Variants in FOXN1 observed in about 807,000 individuals in gnomAD.
The protein encoded by FOXN1 is forkhead box N1.
FOXN1 carries 15 observed loss-of-function variants against 49.0 expected under a neutral mutation model. That is an observed-to-expected ratio of 0.31 (90% CI 0.20 to 0.47). The LOEUF (loss-of-function observed/expected upper bound fraction) is 0.47, where lower values mean the gene tolerates loss of function less well. Among genes scored for constraint, FOXN1 ranks in the 20% least tolerant of loss-of-function variants. The probability of loss-of-function intolerance (pLI) is 1.00; values close to 1 mark genes in which losing one functional copy is unlikely to be tolerated. For missense variants in FOXN1, 800 were observed against 842.8 expected, an observed-to-expected ratio of 0.95 and a Z score of 0.63; for synonymous variants, 356 against 369.0, an observed-to-expected ratio of 0.96 and a Z score of 0.40.
intron 1 of FOXN1, among the ~76,000 whole-genome samples, chr17:28,521,059 C>T (rs555679135): frequency 1.3e-5 from 2 of 152,244 alleles, no homozygotes; most frequent in Admixed American, 6.5e-5. Context: ...CACATGTCCT[C>T]GAGCATTTTC....
chr17:28,524,019 C>G lies in FOXN1; in HGVS notation c.50C>G (p.Thr17Ser), dbSNP rs143518324. 85 of 1,612,848 alleles carry G rather than the reference C, an allele frequency of 5.3e-5. No individual in the cohort carries two copies. The African/African-American group carries it at 8.8e-4, about 17-fold the overall frequency. ...TCTGACGTCACGCTGCCGGGCCCCA[C>G]CAGACTGGAGGGCGAGCGCCAAGGG... ...PQSDVTLPGPTRLEGERQGDL... is the reference protein window; with the variant it reads ...PQSDVTLPGPSRLEGERQGDL... The change falls in exon 2 of 9, where the codon ACC (threonine) becomes AGC (serine). Residue 17 changes from threonine to serine, a missense_variant. By Grantham distance (58) the Thr-to-Ser change is moderately conservative. Around this residue, in one of 3 missense-constraint regions of FOXN1, gnomAD observed 383 missense variants for 357.9 expected, o/e 1.07. Coordinates refer to ENST00000579795, the MANE Select transcript of FOXN1 (RefSeq NM_001369369.1).
At chr17:28,535,227 G>T in intron 8 of FOXN1, 29 bp downstream of exon 8, 1 of 1,608,384 alleles carries the variant, frequency 6.2e-7, no homozygotes, top group East Asian at 2.2e-5. Flanking sequence ...AGGGAAGGTG[G>T]GACAGGACTG....
chr17:28,528,311 G>A (rs1567881336), intron 4 of FOXN1, among the ~76,000 whole-genome samples: 1 of 152,180 alleles, frequency 6.6e-6, no homozygotes, highest in African/African-American at 2.4e-5. Context: ...TCTGACCCAG[G>A]GTAGAGGATG....
chr17:28,519,123 C>T (rs1487645525), intron 1 of FOXN1, among the ~76,000 whole-genome samples: 2 of 152,136 alleles, frequency 1.3e-5, no homozygotes, highest in African/African-American at 2.4e-5. Context: ...CACACCATTG[C>T]CCCCTACCCT....
At position 28,534,748 on chromosome 17, in the gene FOXN1, G is replaced by C. The variant is rs1309137247; in HGVS notation, c.1177G>C (p.Gly393Arg). The C allele has an allele frequency of 1.9e-6, 3 of 1,613,622 alleles. No individual in the cohort carries two copies. Among genetic ancestry groups the C allele is most frequent in the Non-Finnish European group, 2.5e-6 (3 of 1,179,882 alleles). Residue 393 changes from glycine (G) to arginine (R), a missense_variant, in exon 8 of 9, where the codon GGC (glycine) becomes CGC (arginine). Physicochemically the swap from Gly to Arg is moderately radical, Grantham distance 125. Transcript: ENST00000579795. The surrounding 1 kb of genome is among the most constrained non-coding windows in gnomAD (Gnocchi z 4.1). ...SLIGDKREKL[G>R]SPLLGCPPPG... ...CATTGGAGACAAGAGAGAAAAGCTGGGCTCCCCACTCCTGGGCTGTCCGCC... is the reference window on the plus strand; with the variant it reads ...CATTGGAGACAAGAGAGAAAAGCTGCGCTCCCCACTCCTGGGCTGTCCGCC...
chr17:28,528,079 G>A (rs1195192843), intron 4 of FOXN1, among the ~76,000 whole-genome samples: 1 of 152,246 alleles, frequency 6.6e-6, no homozygotes, highest in African/African-American at 2.4e-5. Context: ...CTGGCACTGA[G>A]ACAGGCCCTG....
At chr17:28,520,508 C>T (rs1428633972) in intron 1 of FOXN1, among the ~76,000 whole-genome samples, 1 of 152,236 alleles carries the variant, frequency 6.6e-6, no homozygotes, top group African/African-American at 2.4e-5. Context: ...TCAGGAACCT[C>T]TGCATCCTTA....
At position 28,537,420 on chromosome 17, in the gene FOXN1, C is replaced by G. The variant is rs2070099280; in HGVS notation, c.1931C>G (p.Pro644Arg). Residue 644 changes from proline (P) to arginine (R), a missense_variant, in exon 9 of 9, where the codon CCC becomes CGC. This residue lies in a region of FOXN1 where 344 missense variants were observed against 366.1 expected (regional missense o/e 0.94). Transcript: ENST00000579795. The part of the protein sequence containing the change: ...PSVYLSPSSK[P>R]VALA Reference sequence around the variant, plus strand: ...GTGTACCTCAGCCCCAGCTCCAAGCCCGTGGCCCTGGCATGAGCTGTGCCC... The same window carrying G: ...GTGTACCTCAGCCCCAGCTCCAAGCGCGTGGCCCTGGCATGAGCTGTGCCC... 16 of 1,612,762 alleles carry G rather than the reference C, an allele frequency of 9.9e-6. No homozygotes were observed. Among genetic ancestry groups the G allele is most frequent in the Non-Finnish European group, 1.4e-5 (16 of 1,179,390 alleles).
In FOXN1 at chr17:28,538,747, A is replaced by G. The variant is rs925297966; in HGVS notation, c.*1311A>G. 12 of 152,226 alleles carry G rather than the reference A, an allele frequency of 7.9e-5. No homozygotes were observed. Among genetic ancestry groups the G allele is most frequent in the African/African-American group, 2.7e-4 (11 of 41,450 alleles). 9.4% of individuals were successfully genotyped at this position (152,226 alleles called of 1,614,324 possible). ...AGGTGCCTGCCATGAGCCTGACCCC[A>G]TCGAGGGGGAACCTCAGCCCACCCT... is the stretch of plus-strand genomic sequence containing the variant. On this transcript the variant is annotated 3_prime_UTR_variant, in exon 9 of 9. Coordinates refer to ENST00000579795, the MANE Select transcript of FOXN1 (RefSeq NM_001369369.1).
At chr17:28,533,279 A>C (rs951708388) in intron 6 of FOXN1, among the ~76,000 whole-genome samples, 8 of 152,138 alleles carry the variant, frequency 5.3e-5, no homozygotes, top group African/African-American at 1.2e-4. Context: ...TGCCCTACCC[A>C]CAGTCAGCCC....
At chr17:28,513,449 C>G (rs944339361) in intron 1 of FOXN1, among the ~76,000 whole-genome samples, 1 of 152,266 alleles carries the variant, frequency 6.6e-6, no homozygotes, top group Non-Finnish European at 1.5e-5. Flanking sequence ...GTCCAGCTTT[C>G]CATCCATCAA....
In FOXN1 at chr17:28,524,670, C is replaced by A. The variant is rs1170313359; in HGVS notation, c.291C>A (p.Asp97Glu). The change falls in exon 3 of 9, where the codon GAC (aspartate) becomes GAA (glutamate). Residue 97 changes from aspartate to glutamate, a missense_variant. This residue lies in a region of FOXN1 where 383 missense variants were observed against 357.9 expected (regional missense o/e 1.07). Transcript: ENST00000579795. ...GGCCCTTCAGGCTCTCACCCTCAGA[C>A]AAGTATCCTGGCTTTGGCTTTGAGG... ...GPGPFRLSPS[D>E]KYPGFGFEEA... is the part of the protein sequence containing the mutation. The A allele has an allele frequency of 6.2e-7, 1 of 1,613,624 alleles. No individual in the cohort carries two copies.
intron 6 of FOXN1, among the ~76,000 whole-genome samples, chr17:28,531,598 C>T (rs2069916807): frequency 6.6e-6 from 1 of 152,170 alleles, no homozygotes; most frequent in South Asian, 2.1e-4. Context: ...TTGCACACCC[C>T]TCTCTGCGTG....
In FOXN1 at chr17:28,537,364, CA is replaced by C; in HGVS notation, c.1876del (p.Thr626ArgfsTer50). 1 of 1,612,744 alleles carries C rather than the reference CA, an allele frequency of 6.2e-7. No individual in the cohort carries two copies. ...ACTCTGCCTTTATGGAGCTGGAGCC[CA>C]CGCCCCCCACGGCCCCTGCAGGCCC... ...LYSAFMELEP[T>X]PPTAPAGPSV... is the part of the protein sequence containing the mutation. On this transcript the variant is annotated frameshift_variant, in exon 9 of 9. Transcript: ENST00000579795. LOFTEE classifies it high-confidence loss of function.
At chr17:28,535,314 C>A in intron 8 of FOXN1, 116 bp downstream of exon 8, 4 of 1,148,074 alleles carry the variant, frequency 3.5e-6, no homozygotes, top group South Asian at 1.4e-5. Flanking sequence ...GGTTTCTGGT[C>A]AACTGAAGCA....
chr17:28,531,187 A>G (rs1344335064), intron 6 of FOXN1, among the ~76,000 whole-genome samples: 1 of 152,142 alleles, frequency 6.6e-6, no homozygotes, highest in Non-Finnish European at 1.5e-5. Context: ...GAAATAAGAC[A>G]CTATTGCTAC....
Position 28,534,687 on chromosome 17 carries a change from TTCTC to T in FOXN1, c.1136-16_1136-13del. Reference sequence around the variant, plus strand: ...GAGGAGGGAGGTCTCATGGTGTTCTTTCTCTCTTGGGCCTTTCAGAAGAGCTGGA... The same window carrying T: ...GAGGAGGGAGGTCTCATGGTGTTCTTTCTTGGGCCTTTCAGAAGAGCTGGA... On this transcript the variant is annotated splice_polypyrimidine_tract_variant and intron_variant, in intron 7 of 8. Coordinates refer to ENST00000579795, the MANE Select transcript of FOXN1 (RefSeq NM_001369369.1). The surrounding 1 kb of genome is among the most constrained non-coding windows in gnomAD (Gnocchi z 4.1). 1.2e-6 allele frequency: 2 copies of T among 1,613,068 alleles called. No homozygotes were observed. Among genetic ancestry groups the T allele is most frequent in the Admixed American group, 1.7e-5 (1 of 59,970 alleles).
At position 28,529,167 on chromosome 17, in the gene FOXN1, C is replaced by G. The variant is rs1193292942; in HGVS notation, c.773C>G (p.Pro258Arg). ...CACTATCAGTACCAGCGAATGGCACCCCAGGCCAGCACCGATGGGCACCAG... is the reference window on the plus strand; with the variant it reads ...CACTATCAGTACCAGCGAATGGCACGCCAGGCCAGCACCGATGGGCACCAG... ...SSHYQYQRMA[P>R]QASTDGHQPL... Residue 258 changes from proline (P) to arginine (R), a missense_variant, in exon 5 of 9, where the codon CCC (proline) becomes CGC (arginine). By Grantham distance (103) the Pro-to-Arg change is moderately radical. Transcript: ENST00000579795. The G allele has an allele frequency of 6.2e-7, 1 of 1,614,158 alleles. No homozygotes were observed. Among genetic ancestry groups the G allele is most frequent in the Admixed American group, 1.7e-5 (1 of 60,016 alleles).
chr17:28,536,015 A>G (rs2070055927), intron 8 of FOXN1, among the ~76,000 whole-genome samples: 1 of 152,194 alleles, frequency 6.6e-6, no homozygotes, highest in Admixed American at 6.5e-5. Flanking sequence ...GTCTCTGCAG[A>G]TGGCTAAGCC....
Sources: gnomAD v4.1 joint callset for allele counts (sites outside exome capture counted in the v4.1 genomes callset) on GRCh38, gnomAD v4.1.1 for gene constraint, gnomAD v4.1.1 regional missense constraint, Gnocchi (gnomAD v3.1) non-coding constraint, MANE v1.5 for transcripts, NCBI Gene and HGNC (gene_info 2026-07-23, HGNC 2026-07-21) for gene names.